The following MYOZ2 variants were observed in gnomAD, a reference collection of about 807,000 sequenced individuals.
MYOZ2 encodes the protein myozenin-2.
A neutral mutation model predicts 25.4 loss-of-function variants in MYOZ2; 19 were observed. The ratio of observed to expected loss-of-function variants is 0.75; its 90% CI spans 0.52 to 1.10. MYOZ2 has a LOEUF of 1.10. Ranked by LOEUF, MYOZ2 falls within the 50% of genes least tolerant of loss-of-function variation. The pLI, the probability that MYOZ2 is intolerant of heterozygous loss-of-function variation, is 0.00. For synonymous variants in MYOZ2, 92 were observed against 106.9 expected, an observed-to-expected ratio of 0.86 and a Z score of 0.86; for missense variants, 270 against 317.9, an observed-to-expected ratio of 0.85 and a Z score of 1.15.
In MYOZ2 at chr4:119,136,554, A is replaced by G. The variant is rs76757102; in HGVS notation, c.29A>G (p.Gln10Arg). The G allele has an allele frequency of 1.2e-5, 20 of 1,613,632 alleles. No individual in the cohort carries two copies. The highest frequency in any genetic ancestry group is 1.7e-5 in the Non-Finnish European group (20 of 1,179,706). The change falls in exon 2 of 6, where the codon CAG (glutamine) becomes CGG (arginine). Residue 10 changes from glutamine (Q) to arginine (R), a missense_variant. Coordinates refer to ENST00000307128, the MANE Select transcript of MYOZ2 (RefSeq NM_016599.5). ...CTATCACATAATACTATGATGAAGC[A>G]GAGAAAACAGCAAGCAACAGCCATC... is the stretch of plus-strand genomic sequence containing the variant. The part of the protein sequence containing the change: MLSHNTMMK[Q>R]RKQQATAIMK...
intron 3 of MYOZ2, among the ~76,000 whole-genome samples, chr4:119,154,150 A>G (rs1741518071): frequency 6.6e-6 from 1 of 152,174 alleles, no homozygotes; most frequent in Non-Finnish European, 1.5e-5. Context: ...GCTTTGTTCA[A>G]AAAATAACTT....
At position 119,136,499 on chromosome 4, in the gene MYOZ2, T is replaced by A; in HGVS notation, c.-14-13T>A. On this transcript the variant is annotated splice_polypyrimidine_tract_variant and intron_variant, in intron 1 of 5. Coordinates refer to ENST00000307128, the MANE Select transcript of MYOZ2 (RefSeq NM_016599.5). ...TTCACATTGCCTCAATAATGTCCCTTTGTTTTTAACAGGGAACAAAAAAAC... is the reference window on the plus strand; with the variant it reads ...TTCACATTGCCTCAATAATGTCCCTATGTTTTTAACAGGGAACAAAAAAAC... The A allele has an allele frequency of 6.2e-7, 1 of 1,607,282 alleles. No individual in the cohort carries two copies. The highest frequency in any genetic ancestry group is 8.5e-7 in the Non-Finnish European group (1 of 1,174,314).
chr4:119,145,346 T>G (rs1197327417), intron 2 of MYOZ2, among the ~76,000 whole-genome samples: 2 of 29,270 alleles, frequency 6.8e-5, no homozygotes, highest in South Asian at 1.3e-3. Flanking sequence ...TGGTTTTTTT[T>G]TTTTTTTTTT....
At chr4:119,150,159 A>G (rs140733740) in intron 2 of MYOZ2, among the ~76,000 whole-genome samples, 230 of 152,320 alleles carry the variant, frequency 1.5e-3, no homozygotes, top group African/African-American at 5.4e-3. Context: ...TGAATATCTG[A>G]TATATTTAAG....
chr4:119,166,508 T>C (rs1741828080), intron 5 of MYOZ2, among the ~76,000 whole-genome samples: 1 of 128,838 alleles, frequency 7.8e-6, no homozygotes, highest in African/African-American at 2.6e-5. Context: ...AGACCCTGTC[T>C]CAAAAAAAAA....
intron 5 of MYOZ2, among the ~76,000 whole-genome samples, chr4:119,183,832 G>A (rs1193730834): frequency 3.5e-5 from 4 of 113,448 alleles, no homozygotes; most frequent in East Asian, 2.7e-4. Context: ...TTTTTTTTCC[G>A]AGACTGAGTT....
At chr4:119,175,954 G>A (rs1742064043) in intron 5 of MYOZ2, among the ~76,000 whole-genome samples, 1 of 152,130 alleles carries the variant, frequency 6.6e-6, no homozygotes, top group Admixed American at 6.5e-5. Flanking sequence ...TCTGGATCTT[G>A]AGCTCAAAAG....
chr4:119,170,229 A>G (rs1386303349), intron 5 of MYOZ2, among the ~76,000 whole-genome samples: 1 of 151,454 alleles, frequency 6.6e-6, no homozygotes, highest in East Asian at 1.9e-4. Flanking sequence ...TTCTGTCTCT[A>G]TGATTTTTAC....
intron 3 of MYOZ2, 145 bp from the exon 4 acceptor site, chr4:119,157,876 GA>G (rs1369495377): frequency 1.8e-5 from 17 of 945,028 alleles, no homozygotes; most frequent in Admixed American, 1.4e-4. Context: ...ATCTTACTAT[GA>G]AAAAAATTAT....
At chr4:119,158,764 T>A (rs1741642245) in intron 4 of MYOZ2, among the ~76,000 whole-genome samples, 1 of 152,180 alleles carries the variant, frequency 6.6e-6, no homozygotes, top group African/African-American at 2.4e-5. Flanking sequence ...TGCTGTGATA[T>A]ATATTGTCTT....
At chr4:119,139,122 T>G (rs1443516525) in intron 2 of MYOZ2, among the ~76,000 whole-genome samples, 3 of 152,186 alleles carry the variant, frequency 2.0e-5, no homozygotes. Flanking sequence ...TGGTTTCAAA[T>G]TATGTACTAG....
intron 4 of MYOZ2, among the ~76,000 whole-genome samples, chr4:119,160,309 C>CT (rs1741677115): frequency 8.1e-6 from 1 of 123,902 alleles, no homozygotes; most frequent in African/African-American, 2.8e-5. Context: ...TCCCTGCTTA[C>CT]TTTTTGGAGT....
chr4:119,164,109 A>T, intron 4 of MYOZ2, 102 bp from the exon 5 acceptor site: 1 of 1,161,348 alleles, frequency 8.6e-7, no homozygotes, highest in Non-Finnish European at 1.3e-6. Flanking sequence ...CATGCTTCAT[A>T]AATTTATCCC....
chr4:119,178,322 C>T (rs1444266985), intron 5 of MYOZ2, among the ~76,000 whole-genome samples: 1 of 152,148 alleles, frequency 6.6e-6, no homozygotes, highest in African/African-American at 2.4e-5. Flanking sequence ...TCTAATATCA[C>T]CTGTGTGCTG....
chr4:119,163,728 A>T (rs1325974006), intron 4 of MYOZ2, among the ~76,000 whole-genome samples: 1 of 152,192 alleles, frequency 6.6e-6, no homozygotes, highest in African/African-American at 2.4e-5. Flanking sequence ...AGCACTCAGC[A>T]ATTGAAGACA....
chr4:119,165,609 A>T (rs1196916262), intron 5 of MYOZ2, among the ~76,000 whole-genome samples: 1 of 152,208 alleles, frequency 6.6e-6, no homozygotes, highest in Non-Finnish European at 1.5e-5. Context: ...CCCTTGCATG[A>T]AAGAGGTGTA....
rs549889134 is a variant in MYOZ2 at position 119,180,603 on chromosome 4, G to C, written c.561-5363G>C. ...GGAATTTTGCTCGTCACCCATGCTG[G>C]AGTGCGGTGGTGCGATTTCAGCTCA... is the stretch of plus-strand genomic sequence containing the variant. On this transcript the variant is annotated intron_variant, in intron 5 of 5. Coordinates refer to ENST00000307128, the MANE Select transcript of MYOZ2 (RefSeq NM_016599.5). Among the ~76,000 whole-genome samples the C allele has an allele frequency of 1.7e-4, 26 of 152,276 alleles. 1 individual carries two copies. In the South Asian group the frequency reaches 5.4e-3, roughly 32 times the overall value.
In MYOZ2 at chr4:119,168,208, G is replaced by A. The variant is rs137865628; in HGVS notation, c.560+3814G>A. Among the ~76,000 whole-genome samples the A allele has an allele frequency of 1.7e-3, 265 of 152,294 alleles. 2 individuals are homozygous for A. The East Asian group carries it at 0.025, about 15-fold the overall frequency. ...AGGATGGTCTCTATCTCCTGACCTC[G>A]TGATCTGCCCGCCTCGGTCTCCCAA... On this transcript the variant is annotated intron_variant, in intron 5 of 5. Coordinates refer to ENST00000307128, the MANE Select transcript of MYOZ2 (RefSeq NM_016599.5).
chr4:119,174,180 C>T (rs932994859), intron 5 of MYOZ2, among the ~76,000 whole-genome samples: 10 of 152,358 alleles, frequency 6.6e-5, no homozygotes, highest in East Asian at 1.9e-4. Flanking sequence ...AAGCGCACGG[C>T]GCAGGACTGG....
Sources: allele counts gnomAD v4.1 joint callset (sites outside exome capture counted in the v4.1 genomes callset), GRCh38; gene constraint gnomAD v4.1.1; transcripts MANE v1.5; gene names NCBI Gene and HGNC (gene_info 2026-07-23, HGNC 2026-07-21).